Variants in CREM observed in about 807,000 individuals in gnomAD.
The protein encoded by CREM is cAMP-responsive element modulator.
A neutral mutation model predicts 37.3 loss-of-function variants in CREM; 13 were observed. The observed-to-expected ratio is 0.35, with a 90% confidence interval of 0.23 to 0.55. The LOEUF (loss-of-function observed/expected upper bound fraction) is 0.55. Ranked by LOEUF, CREM falls within the 20% of genes least tolerant of loss-of-function variation. The pLI, the probability that CREM is intolerant of heterozygous loss-of-function variation, is 0.88. For synonymous variants in CREM, 124 were observed against 120.2 expected, an observed-to-expected ratio of 1.03 and a Z score of -0.21; for missense variants, 296 against 362.3, an observed-to-expected ratio of 0.82 and a Z score of 1.49.
At chr10:35,156,088 C>T (rs1208591522) in intron 3 of CREM, among the ~76,000 whole-genome samples, 9 of 149,612 alleles carry the variant, frequency 6.0e-5, no homozygotes, top group Non-Finnish European at 1.0e-4. Context: ...TACAGGCGCC[C>T]GCCACCACAC....
intron 3 of CREM, among the ~76,000 whole-genome samples, chr10:35,163,048 A>C (rs2093370604): frequency 6.6e-6 from 1 of 151,016 alleles, no homozygotes; most frequent in African/African-American, 2.4e-5. Flanking sequence ...ATCTCTACAA[A>C]AAAAAAAATT....
chr10:35,173,197 G>T (rs2093903256), intron 3 of CREM, among the ~76,000 whole-genome samples: 1 of 152,190 alleles, frequency 6.6e-6, no homozygotes. Context: ...GGATTTTAAT[G>T]TAACTGATAC....
At chr10:35,161,613 A>G (rs2093300523) in intron 3 of CREM, among the ~76,000 whole-genome samples, 1 of 152,002 alleles carries the variant, frequency 6.6e-6, no homozygotes, top group African/African-American at 2.4e-5. Flanking sequence ...CAGTGAGTCG[A>G]GATCACACCA....
chr10:35,177,073 A>C (rs1589960741), intron 3 of CREM, among the ~76,000 whole-genome samples: 2 of 145,172 alleles, frequency 1.4e-5, no homozygotes, highest in Non-Finnish European at 3.1e-5. Context: ...AACCTAATTG[A>C]TGACAAAAAA....
At chr10:35,179,297 T>C (rs1333725844) in intron 5 of CREM, 21 bp downstream of exon 5, 1 of 1,612,546 alleles carries the variant, frequency 6.2e-7, no homozygotes, top group East Asian at 2.2e-5. Flanking sequence ...TGCAATTCGA[T>C]ATGATACAGT....
At chr10:35,144,225 C>A (rs894074591) in intron 2 of CREM, among the ~76,000 whole-genome samples, 11 of 152,196 alleles carry the variant, frequency 7.2e-5, no homozygotes, top group African/African-American at 2.7e-4. Context: ...GGGATGGCTG[C>A]TGACCTTCCA....
intron 6 of CREM, among the ~76,000 whole-genome samples, chr10:35,203,723 T>G (rs868147057): frequency 5.3e-5 from 8 of 152,074 alleles, no homozygotes; most frequent in Non-Finnish European, 1.2e-4. Context: ...AAGTTTTTTT[T>G]TTTGTTTTTT....
At chr10:35,203,403 GT>G (rs1236755751) in intron 6 of CREM, among the ~76,000 whole-genome samples, 1 of 152,054 alleles carries the variant, frequency 6.6e-6, no homozygotes, top group African/African-American at 2.4e-5. Flanking sequence ...AAAAAAACAA[GT>G]TTTTTGTGGC....
At chr10:35,153,600 G>A (rs1219349984) in intron 3 of CREM, among the ~76,000 whole-genome samples, 1 of 152,152 alleles carries the variant, frequency 6.6e-6, no homozygotes, top group Non-Finnish European at 1.5e-5. Context: ...TCATTCAGAT[G>A]GAGCCAGTGG....
intron 3 of CREM, among the ~76,000 whole-genome samples, chr10:35,161,920 T>G (rs1395864052): frequency 6.6e-6 from 1 of 152,194 alleles, no homozygotes; most frequent in East Asian, 1.9e-4. Flanking sequence ...ATTTCATTAC[T>G]GGGTATCTAT....
chr10:35,175,547 G>C (rs148269534), intron 3 of CREM: 1 of 813,684 alleles, frequency 1.2e-6, no homozygotes, highest in African/African-American at 1.7e-5. Flanking sequence ...GTTAGTAGGC[G>C]TGAGGTCGTA....
At chr10:35,133,117 A>G (rs1469988251) in intron 1 of CREM, among the ~76,000 whole-genome samples, 2 of 151,690 alleles carry the variant, frequency 1.3e-5, no homozygotes, top group Non-Finnish European at 2.9e-5. Context: ...AGGTTTTCTT[A>G]TTCTTTTTCT....
intron 2 of CREM, among the ~76,000 whole-genome samples, chr10:35,138,526 A>AT (rs752036917): frequency 0.039 from 5,342 of 136,934 alleles, 330 homozygotes; most frequent in African/African-American, 0.12. Context: ...AAATTTTAGA[A>AT]TTTTTTTTTT....
chr10:35,182,605 T>A (rs1159866858), intron 5 of CREM, among the ~76,000 whole-genome samples: 3 of 152,246 alleles, frequency 2.0e-5, no homozygotes, highest in Admixed American at 6.5e-5. Context: ...AGTTTTCCCA[T>A]ATACAAGCAG....
chr10:35,128,416 C>G (rs568896583), intron 1 of CREM, among the ~76,000 whole-genome samples: 17 of 152,252 alleles, frequency 1.1e-4, no homozygotes, highest in African/African-American at 3.9e-4. Flanking sequence ...CTAGATTGAA[C>G]AGTGAGAGGT....
intron 3 of CREM, among the ~76,000 whole-genome samples, chr10:35,158,798 G>GTT (rs543961468): frequency 3.4e-4 from 34 of 100,792 alleles, no homozygotes; most frequent in African/African-American, 8.8e-4. Flanking sequence ...CAAATATAGT[G>GTT]TTTTTTTTTT....
intron 6 of CREM, among the ~76,000 whole-genome samples, chr10:35,192,559 G>A (rs1050750936): frequency 1.3e-5 from 2 of 152,122 alleles, no homozygotes; most frequent in Non-Finnish European, 2.9e-5. Flanking sequence ...ATGTTGGCCA[G>A]GCTGGTCTTG....
At position 35,171,545 on chromosome 10, in the gene CREM, T is replaced by G. The variant is rs1185667264; in HGVS notation, c.169-7344T>G. Among the ~76,000 whole-genome samples the G allele has an allele frequency of 1.3e-4, 20 of 152,220 alleles. 1 individual carries two copies. Among genetic ancestry groups the G allele is most frequent in the Admixed American group, 1.2e-3 (19 of 15,272 alleles). ...GATTAAAGCAATGTAAAGGATGATTTATGCCTATCAGATGCCCATGAATCT... is the reference window on the plus strand; with the variant it reads ...GATTAAAGCAATGTAAAGGATGATTGATGCCTATCAGATGCCCATGAATCT... On this transcript the variant is annotated intron_variant, in intron 3 of 7. Transcript: ENST00000685392.
At chr10:35,196,058 A>G in intron 6 of CREM, 1 of 1,614,136 alleles carries the variant, frequency 6.2e-7, no homozygotes, top group Non-Finnish European at 8.5e-7. Context: ...ATGAAACTGT[A>G]ATGCATGAAC....
Sources: allele counts gnomAD v4.1 joint callset (sites outside exome capture counted in the v4.1 genomes callset), GRCh38; gene constraint gnomAD v4.1.1; transcripts MANE v1.5; gene names NCBI Gene and HGNC (gene_info 2026-07-23, HGNC 2026-07-21).